Variants in NELL1 observed in about 807,000 individuals in gnomAD.
NELL1 encodes the protein neural EGFL like 1, also known as protein kinase C-binding protein NELL1.
In NELL1, 76 loss-of-function variants were observed where a neutral mutation model predicts 107.4. The ratio of observed to expected loss-of-function variants is 0.71; its 90% CI spans 0.59 to 0.86. NELL1 has a LOEUF of 0.86. Among genes scored for constraint, NELL1 ranks in the 40% least tolerant of loss-of-function variants. NELL1 has a pLI of 0.00. For synonymous variants in NELL1, 353 were observed against 341.2 expected (o/e 1.03, Z -0.38); for missense variants, 1,024 against 1,005.5 (o/e 1.02, Z -0.25).
At chr11:21,295,916 A>G (rs1254656005) in intron 14 of NELL1, among the ~76,000 whole-genome samples, 1 of 152,058 alleles carries the variant, frequency 6.6e-6, no homozygotes, top group Non-Finnish European at 1.5e-5. Flanking sequence ...CAATTTTGCA[A>G]ATACTTAAAA....
chr11:21,525,562 T>C (rs540892095), intron 15 of NELL1, among the ~76,000 whole-genome samples: 1 of 152,346 alleles, frequency 6.6e-6, no homozygotes, highest in Admixed American at 6.5e-5. Flanking sequence ...GTCTCCCATA[T>C]TCTAGAATAT....
chr11:21,247,402 C>T (rs2133905680), intron 14 of NELL1, among the ~76,000 whole-genome samples: 1 of 152,232 alleles, frequency 6.6e-6, no homozygotes, highest in Admixed American at 6.5e-5. Flanking sequence ...TAGCCTTATT[C>T]TATAAGCTTT....
chr11:21,246,519 A>G (rs1228312944), intron 14 of NELL1, among the ~76,000 whole-genome samples: 3 of 152,190 alleles, frequency 2.0e-5, no homozygotes, highest in Non-Finnish European at 2.9e-5. Context: ...TTTTGTTGTT[A>G]TATGTATATA....
At chr11:20,871,004 C>T (rs1007599897) in intron 4 of NELL1, among the ~76,000 whole-genome samples, 7 of 152,202 alleles carry the variant, frequency 4.6e-5, no homozygotes, top group African/African-American at 1.4e-4. Flanking sequence ...TGTATTGGCA[C>T]ATTTATATTG....
chr11:21,255,252 C>T (rs1042220181), intron 14 of NELL1, among the ~76,000 whole-genome samples: 3 of 152,062 alleles, frequency 2.0e-5, no homozygotes, highest in African/African-American at 7.2e-5. Flanking sequence ...GACATCTCAG[C>T]TTTCTTAAGA....
chr11:21,436,108 G>A (rs1408791435), intron 15 of NELL1, among the ~76,000 whole-genome samples: 1 of 152,026 alleles, frequency 6.6e-6, no homozygotes, highest in Non-Finnish European at 1.5e-5. Flanking sequence ...CCAGGCTAGA[G>A]TACAGTGGCA....
intron 2 of NELL1, among the ~76,000 whole-genome samples, chr11:20,778,918 C>T (rs907770547): frequency 3.3e-5 from 5 of 151,962 alleles, no homozygotes; most frequent in African/African-American, 1.2e-4. Context: ...ACCAGCCCAC[C>T]CAGTTCCTGT....
chr11:20,929,992 A>G (rs1259919481), intron 9 of NELL1, among the ~76,000 whole-genome samples: 1 of 151,176 alleles, frequency 6.6e-6, no homozygotes, highest in Non-Finnish European at 1.5e-5. Context: ...GAAAAAAAAA[A>G]AAAGGCTATT....
intron 15 of NELL1, among the ~76,000 whole-genome samples, chr11:21,453,809 T>G (rs1590944142): frequency 9.1e-6 from 1 of 109,642 alleles, no homozygotes; most frequent in Non-Finnish European, 1.6e-5. Context: ...TTTCTTTCCC[T>G]TTTTTTTTTT....
intron 3 of NELL1, among the ~76,000 whole-genome samples, chr11:20,806,140 T>TTAA (rs761796942): frequency 6.6e-6 from 1 of 150,754 alleles, no homozygotes; most frequent in Non-Finnish European, 1.5e-5. Flanking sequence ...TTTTTTTTTT[T>TTAA]ATCAGATTGA....
intron 12 of NELL1, among the ~76,000 whole-genome samples, chr11:20,977,160 T>A (rs1564996625): frequency 6.6e-6 from 1 of 152,048 alleles, no homozygotes; most frequent in African/African-American, 2.4e-5. Flanking sequence ...TCCTATAAAC[T>A]CTCATAATTT....
At chr11:21,263,364 G>A (rs1028536007) in intron 14 of NELL1, among the ~76,000 whole-genome samples, 2 of 151,892 alleles carry the variant, frequency 1.3e-5, no homozygotes, top group African/African-American at 4.8e-5. Flanking sequence ...GGGTAACGGC[G>A]AGCCATTCAT....
chr11:20,810,309 G>A (rs10833392), intron 3 of NELL1, among the ~76,000 whole-genome samples: 33,434 of 151,730 alleles, frequency 0.22, 4,018 homozygotes, highest in African/African-American at 0.29. Context: ...TGAGATTTTG[G>A]TGCACCCATT....
intron 12 of NELL1, among the ~76,000 whole-genome samples, chr11:20,967,408 C>T (rs1307045021): frequency 6.6e-6 from 1 of 151,996 alleles, no homozygotes; most frequent in Non-Finnish European, 1.5e-5. Context: ...ATCTATGTAG[C>T]ACCACGATCT....
intron 2 of NELL1, among the ~76,000 whole-genome samples, chr11:20,770,373 A>G (rs1363433462): frequency 6.6e-6 from 1 of 152,216 alleles, no homozygotes; most frequent in Non-Finnish European, 1.5e-5. Context: ...CTGCCAAAGG[A>G]AAAAAATCCA....
chr11:20,966,902 G>A (rs1193479567), intron 12 of NELL1, among the ~76,000 whole-genome samples: 1 of 148,344 alleles, frequency 6.7e-6, no homozygotes, highest in East Asian at 2.0e-4. Flanking sequence ...GAAAAATAAA[G>A]TTCAAATTCA....
intron 12 of NELL1, among the ~76,000 whole-genome samples, chr11:21,021,597 C>A (rs893535723): frequency 7.2e-5 from 11 of 152,034 alleles, no homozygotes; most frequent in Non-Finnish European, 1.3e-4. Context: ...ACATGAACTG[C>A]TGTTCTTTGA....
chr11:21,273,464 G>C (rs1848784596), intron 14 of NELL1, among the ~76,000 whole-genome samples: 1 of 152,190 alleles, frequency 6.6e-6, no homozygotes, highest in Admixed American at 6.5e-5. Context: ...AAGGAACCAA[G>C]TTGGAAAACA....
intron 15 of NELL1, among the ~76,000 whole-genome samples, chr11:21,457,004 C>T (rs1050174160): frequency 7.9e-5 from 12 of 151,888 alleles, no homozygotes; most frequent in Non-Finnish European, 1.6e-4. Flanking sequence ...ACACACACAC[C>T]ACCCTGACAT....
Sources: gnomAD v4.1 joint callset for allele counts (sites outside exome capture counted in the v4.1 genomes callset) on GRCh38, gnomAD v4.1.1 for gene constraint, MANE v1.5 for transcripts, NCBI Gene and HGNC (gene_info 2026-07-23, HGNC 2026-07-21) for gene names.